Variants in SMYD3 observed in about 807,000 individuals in gnomAD.
The protein encoded by SMYD3 is histone-lysine N-methyltransferase SMYD3.
Under a neutral mutation model 57.7 loss-of-function variants are expected in SMYD3, and 36 were observed. The ratio of observed to expected loss-of-function variants is 0.62; its 90% CI spans 0.48 to 0.82. The LOEUF (loss-of-function observed/expected upper bound fraction) is 0.82. SMYD3 is among the 40% of genes least tolerant of loss of function. The probability of loss-of-function intolerance (pLI) is 0.00; values close to 1 mark genes in which losing one functional copy is unlikely to be tolerated. For missense variants in SMYD3, 515 were observed against 538.8 expected (o/e 0.96, Z 0.44); for synonymous variants, 211 against 195.0 (o/e 1.08, Z -0.68).
At chr1:246,333,036 C>CT (rs894647794) in intron 3 of SMYD3, among the ~76,000 whole-genome samples, 3 of 152,096 alleles carry the variant, frequency 2.0e-5, no homozygotes, top group Admixed American at 6.6e-5. Flanking sequence ...AACAAGTGGA[C>CT]TTTTTTTTAG....
intron 5 of SMYD3, among the ~76,000 whole-genome samples, chr1:246,166,779 T>C (rs12085310): frequency 0.018 from 2,743 of 152,332 alleles, 99 homozygotes; most frequent in African/African-American, 0.061. Context: ...TTAGTCATTA[T>C]TGTTTTTTCT....
chr1:246,096,108 T>C (rs1329962406), intron 5 of SMYD3: 4 of 152,098 alleles, frequency 2.6e-5, no homozygotes, highest in African/African-American at 9.7e-5. Flanking sequence ...ATAAAACCGA[T>C]ATATATCAAA....
intron 5 of SMYD3, among the ~76,000 whole-genome samples, chr1:246,260,423 T>TTTGTTG (rs537178840): frequency 6.7e-6 from 1 of 148,696 alleles, no homozygotes; most frequent in African/African-American, 2.6e-5. Flanking sequence ...CCATTTTCCT[T>TTTGTTG]TTGTTGTTGT....
At chr1:246,311,622 G>A (rs201895123) in intron 5 of SMYD3, among the ~76,000 whole-genome samples, 7 of 140,064 alleles carry the variant, frequency 5.0e-5, no homozygotes, top group East Asian at 2.0e-4. Flanking sequence ...ACACTCACAC[G>A]CACACGCACA....
chr1:245,981,259 T>C (rs1044643052), intron 5 of SMYD3, among the ~76,000 whole-genome samples: 1 of 152,256 alleles, frequency 6.6e-6, no homozygotes, highest in Admixed American at 6.5e-5. Flanking sequence ...GGATGCCTGC[T>C]GGGCTAGACC....
intron 5 of SMYD3, among the ~76,000 whole-genome samples, chr1:246,196,685 C>T (rs12038849): frequency 0.084 from 12,742 of 152,186 alleles, 731 homozygotes; most frequent in East Asian, 0.21. Context: ...TTATTTAACA[C>T]TTTTGGCCAC....
intron 1 of SMYD3, among the ~76,000 whole-genome samples, chr1:246,450,798 C>CT (rs1464104452): frequency 6.6e-6 from 1 of 152,174 alleles, no homozygotes; most frequent in Non-Finnish European, 1.5e-5. Flanking sequence ...GAAAGATGTA[C>CT]TACAAGTTCA....
chr1:246,431,723 T>G (rs953028242), intron 1 of SMYD3, among the ~76,000 whole-genome samples: 2 of 152,082 alleles, frequency 1.3e-5, no homozygotes, highest in South Asian at 4.2e-4. Context: ...CACAGTGAGA[T>G]CCCATCTCAA....
At position 245,977,258 on chromosome 1, in the gene SMYD3, T is replaced by C. The variant is rs887179669; in HGVS notation, c.532-47321A>G. ...AGAAGAAAATTGAAACTTCTTCAAA[T>C]GGCCTAACACGGCTCCGCTTGATCC... On this transcript the variant is annotated intron_variant, in intron 5 of 11. Coordinates refer to ENST00000490107, the MANE Select transcript of SMYD3 (RefSeq NM_001167740.2). Among the ~76,000 whole-genome samples the C allele has an allele frequency of 1.6e-4, 24 of 152,350 alleles. No individual in the cohort carries two copies. In the South Asian group the frequency reaches 1.7e-3, roughly 11 times the overall value.
At chr1:246,453,472 A>T (rs1012174226) in intron 1 of SMYD3, among the ~76,000 whole-genome samples, 6 of 152,220 alleles carry the variant, frequency 3.9e-5, no homozygotes, top group African/African-American at 1.2e-4. Context: ...ATACTATAAA[A>T]AGATGCTATT....
chr1:246,435,431 T>G (rs991667286), intron 1 of SMYD3, among the ~76,000 whole-genome samples: 29 of 152,146 alleles, frequency 1.9e-4, no homozygotes, highest in African/African-American at 6.3e-4. Context: ...ACTGTTTTAT[T>G]CTATGAAGAG....
rs2060182847 is a variant in SMYD3 at position 246,058,025 on chromosome 1, T to C, written c.532-128088A>G. 2.0e-5 allele frequency among the ~76,000 whole-genome samples: 3 copies of C among 152,206 alleles called. 1 individual carries two copies. The South Asian group carries it at 6.2e-4, about 32-fold the overall frequency. On this transcript the variant is annotated intron_variant, in intron 5 of 11. Coordinates refer to ENST00000490107, the MANE Select transcript of SMYD3 (RefSeq NM_001167740.2). ...TGAAAAGGCTGTATGATCCCGATTA[T>C]ATAGCATTCTGGAAAAGATAAAGCT...
At chr1:246,271,574 G>C (rs2064223134) in intron 5 of SMYD3, among the ~76,000 whole-genome samples, 1 of 152,144 alleles carries the variant, frequency 6.6e-6, no homozygotes, top group Non-Finnish European at 1.5e-5. Flanking sequence ...CCATTGAAGG[G>C]TCTTGGCACC....
At chr1:245,887,125 G>A (rs2053130558) in intron 8 of SMYD3, among the ~76,000 whole-genome samples, 1 of 152,138 alleles carries the variant, frequency 6.6e-6, no homozygotes, top group Non-Finnish European at 1.5e-5. Flanking sequence ...CACAGGATGA[G>A]ATAGGAAGTT....
At chr1:246,133,354 C>T (rs1169239881) in intron 5 of SMYD3, among the ~76,000 whole-genome samples, 2 of 151,990 alleles carry the variant, frequency 1.3e-5, no homozygotes, top group Non-Finnish European at 2.9e-5. Context: ...TGGTCCAATT[C>T]CCACCAAGTT....
At chr1:245,783,063 A>T (rs1315255056) in intron 10 of SMYD3, among the ~76,000 whole-genome samples, 1 of 152,192 alleles carries the variant, frequency 6.6e-6, no homozygotes, top group Non-Finnish European at 1.5e-5. Context: ...TCCTCAGCCA[A>T]TATGTTTATT....
chr1:245,961,085 T>G (rs2057993331), intron 5 of SMYD3, among the ~76,000 whole-genome samples: 1 of 152,134 alleles, frequency 6.6e-6, no homozygotes, highest in South Asian at 2.1e-4. Context: ...TCAGACAAGG[T>G]TTAAATGTTT....
At chr1:246,221,477 C>G (rs2063252590) in intron 5 of SMYD3, among the ~76,000 whole-genome samples, 1 of 152,226 alleles carries the variant, frequency 6.6e-6, no homozygotes, top group African/African-American at 2.4e-5. Context: ...GAGAAAGGAG[C>G]TGCAACCCTT....
At chr1:246,212,736 A>T (rs2148398457) in intron 5 of SMYD3, among the ~76,000 whole-genome samples, 1 of 152,294 alleles carries the variant, frequency 6.6e-6, no homozygotes, top group Admixed American at 6.5e-5. Context: ...GCATTTTTAG[A>T]CCAGCAGTTT....
Sources: gnomAD v4.1 joint callset for allele counts (sites outside exome capture counted in the v4.1 genomes callset) on GRCh38, gnomAD v4.1.1 for gene constraint, MANE v1.5 for transcripts, NCBI Gene and HGNC (gene_info 2026-07-23, HGNC 2026-07-21) for gene names.